Variants in MTA1 observed in about 807,000 individuals in gnomAD.
MTA1 encodes metastasis associated 1.
Under a neutral mutation model 97.0 loss-of-function variants are expected in MTA1, and 15 were observed. The observed-to-expected ratio is 0.15, with a 90% CI of 0.10 to 0.24. The LOEUF is 0.24. MTA1 is among the 10% of genes least tolerant of loss of function. The pLI is 1.00. For missense variants in MTA1, 709 were observed against 1,015.1 expected (o/e 0.70, Z 4.10); for synonymous variants, 435 against 417.5 (o/e 1.04, Z -0.51).
Position 105,420,587 on chromosome 14 carries a change from T to TC in MTA1, c.28+527dup, listed in dbSNP as rs2081798630. On this transcript the variant is annotated intron_variant, in intron 1 of 20. Coordinates refer to ENST00000331320, the MANE Select transcript of MTA1 (RefSeq NM_004689.4). The surrounding 1 kb of genome is among the most constrained non-coding windows in gnomAD (Gnocchi z 5.3). ...GCCCCGGGGCTTCCCCCAGCAGGGA[T>TC]CCCTCAGGGGGTCTTCAGCAGGGAG... Among the ~76,000 whole-genome samples the TC allele has an allele frequency of 6.6e-6, 1 of 152,148 alleles. No individual in the cohort carries two copies. The highest frequency in any genetic ancestry group is 2.1e-4 in the South Asian group (1 of 4,838).
rs371649366 is a variant in MTA1 at position 105,450,095 on chromosome 14, G to A, written c.279G>A (p.Val93=). Reference sequence around the variant, plus strand: ...AGGAAATGGAGAACCCGGAAATGGTGGACCTGCCCGAGAAACTAAAGCACC... The same window carrying A: ...AGGAAATGGAGAACCCGGAAATGGTAGACCTGCCCGAGAAACTAAAGCACC... ...IEEEMENPEM[V]DLPEKLKHQL... Residue 93 remains valine, a synonymous_variant, in exon 5 of 21, where the codon GTG becomes GTA. Transcript: ENST00000331320. The A allele has an allele frequency of 5.6e-5, 91 of 1,613,448 alleles. 2 individuals are homozygous for A. The Middle Eastern group carries it at 8.3e-4, about 15-fold the overall frequency.
intron 1 of MTA1, among the ~76,000 whole-genome samples, chr14:105,428,029 A>AAAG (rs1440175167): frequency 2.6e-5 from 4 of 151,534 alleles, no homozygotes; most frequent in Non-Finnish European, 5.9e-5. Context: ...AAAAAAAAAA[A>AAAG]AAAAAGTTAG....
At chr14:105,462,160 G>A (rs2083382110) in intron 10 of MTA1, among the ~76,000 whole-genome samples, 1 of 152,274 alleles carries the variant, frequency 6.6e-6, no homozygotes, top group Non-Finnish European at 1.5e-5. Flanking sequence ...GCGGGGATGG[G>A]AGGCTGCAGC....
In MTA1 at chr14:105,465,099, G is replaced by A; in HGVS notation, c.1540G>A (p.Ala514Thr). Residue 514 changes from alanine (A) to threonine (T), a missense_variant, in exon 16 of 21, where the codon GCG (alanine) becomes ACG (threonine). Transcript: ENST00000331320. ...CACCGTGTGGTACCCCGCAGGCACG[G>A]CGCGGCTGCCCGAAGCCTCCCAGAG... ...NSAAIKAECT[A>T]RLPEASQSPL... is the part of the protein sequence containing the mutation. The A allele has an allele frequency of 4.0e-6, 6 of 1,514,588 alleles. No homozygotes were observed. Among genetic ancestry groups the A allele is most frequent in the Non-Finnish European group, 5.3e-6 (6 of 1,125,966 alleles). 93.8% of individuals were successfully genotyped at this position (1,514,588 alleles called of 1,614,324 possible). A position where few individuals can be genotyped will look rare whatever the true frequency, so the allele number is the denominator to read the frequency against.
At chr14:105,465,018 C>T in intron 15 of MTA1, 76 bp from the exon 16 acceptor site, 1 of 1,436,536 alleles carries the variant, frequency 7.0e-7, no homozygotes, top group African/African-American at 1.4e-5. Context: ...AGTGAGGGCT[C>T]CCAGGTCAAG....
chr14:105,466,319 C>T, intron 16 of MTA1, 107 bp from the exon 17 acceptor site: 4 of 1,047,952 alleles, frequency 3.8e-6, no homozygotes, highest in South Asian at 1.4e-5. Context: ...CCGCATGGGG[C>T]TTAGTTCCTG....
In MTA1 at chr14:105,466,842, C is replaced by T. The variant is rs1205407277; in HGVS notation, c.1813+100C>T. 3.2e-6 allele frequency: 4 copies of T among 1,257,194 alleles called. No individual in the cohort carries two copies. The Admixed American group carries it at 1.0e-4, about 32-fold the overall frequency. The allele number at this position is 1,257,194 out of a possible 1,614,324, so 77.9% of individuals were successfully genotyped here. ...CGCGGCGGGCGGCCCAGGGCCCATG[C>T]TTGGGGCAGTCCACGTGAGCCAGGC... On this transcript the variant is annotated intron_variant, in intron 18 of 20. Coordinates refer to ENST00000331320, the MANE Select transcript of MTA1 (RefSeq NM_004689.4).
At chr14:105,440,545 C>T (rs190328249) in intron 2 of MTA1, among the ~76,000 whole-genome samples, 2 of 152,354 alleles carry the variant, frequency 1.3e-5, no homozygotes, top group Admixed American at 1.3e-4. Context: ...AGATTGCAGG[C>T]GTGTGCAGGC....
At chr14:105,452,923 G>C (rs1361665587) in intron 6 of MTA1, among the ~76,000 whole-genome samples, 4 of 152,360 alleles carry the variant, frequency 2.6e-5, no homozygotes, top group East Asian at 3.9e-4. Context: ...ACAGGAATCA[G>C]GAGGATGACC....
At chr14:105,447,465 C>T (rs912185367) in intron 3 of MTA1, among the ~76,000 whole-genome samples, 29 of 152,300 alleles carry the variant, frequency 1.9e-4, no homozygotes, top group African/African-American at 6.5e-4. Flanking sequence ...CTCTCAGACG[C>T]CCCAGAGGAT....
intron 13 of MTA1, 111 bp from the exon 14 acceptor site, chr14:105,464,305 G>A (rs1399285623): frequency 2.0e-5 from 28 of 1,433,006 alleles, no homozygotes; most frequent in African/African-American, 9.8e-5. Context: ...CTCGGGGAAC[G>A]TGTGGGGGTG....
At position 105,466,450 on chromosome 14, in the gene MTA1, C is replaced by A; in HGVS notation, c.1649C>A (p.Pro550His). Reference sequence around the variant, plus strand: ...GAGACCCACCCCCGCCCCCCCAAGCCTGACCCCGTGAAAAGCGTGTCCAGC... The same window carrying A: ...GAGACCCACCCCCGCCCCCCCAAGCATGACCCCGTGAAAAGCGTGTCCAGC... ...YLETHPRPPK[P>H]DPVKSVSSVL... is the part of the protein sequence containing the mutation. The change falls in exon 17 of 21, where the codon CCT becomes CAT. Residue 550 changes from proline to histidine, a missense_variant. Coordinates refer to ENST00000331320, the MANE Select transcript of MTA1 (RefSeq NM_004689.4). The A allele has an allele frequency of 6.4e-7, 1 of 1,553,120 alleles. No homozygotes were observed. The highest frequency in any genetic ancestry group is 1.1e-5 in the South Asian group (1 of 88,894).
chr14:105,466,807 T>A, intron 18 of MTA1, 65 bp downstream of exon 18: 1 of 1,510,754 alleles, frequency 6.6e-7, no homozygotes, highest in Non-Finnish European at 8.9e-7. Context: ...GCTGTGCTGC[T>A]CTGTGTCCCC....
intron 18 of MTA1, chr14:105,468,196 A>T: frequency 1.2e-6 from 1 of 808,574 alleles, no homozygotes; most frequent in South Asian, 1.4e-5. Context: ...TGCCCACAGC[A>T]CGGGGCCCCA....
At chr14:105,434,054 C>A (rs587683109) in intron 1 of MTA1, among the ~76,000 whole-genome samples, 234 of 152,296 alleles carry the variant, frequency 1.5e-3, no homozygotes, top group African/African-American at 4.8e-3. Context: ...TCTCGATCTC[C>A]TGAAGTGATC....
At chr14:105,455,374 C>T (rs1379001591) in intron 7 of MTA1, among the ~76,000 whole-genome samples, 5 of 152,228 alleles carry the variant, frequency 3.3e-5, no homozygotes, top group Non-Finnish European at 1.5e-5. Flanking sequence ...CCGGGTGCTT[C>T]GGTAGCCCTG....
chr14:105,426,017 C>T (rs946793771), intron 1 of MTA1, among the ~76,000 whole-genome samples: 10 of 152,138 alleles, frequency 6.6e-5, no homozygotes, highest in African/African-American at 2.4e-4. Context: ...CCCCGTGATC[C>T]GGCCTGGCGT....
At chr14:105,421,134 G>A (rs1555420808) in intron 1 of MTA1, among the ~76,000 whole-genome samples, 1 of 152,066 alleles carries the variant, frequency 6.6e-6, no homozygotes, top group Admixed American at 6.5e-5. Flanking sequence ...CCTACATCCC[G>A]TCTGTGAGAT....
intron 18 of MTA1, chr14:105,467,412 C>T (rs782309607): frequency 1.3e-4 from 60 of 455,686 alleles, no homozygotes; most frequent in Non-Finnish European, 2.3e-4. Context: ...GCCGGTTTGG[C>T]GACCTGGAGG....
Sources: allele counts gnomAD v4.1 joint callset (sites outside exome capture counted in the v4.1 genomes callset), GRCh38; gene constraint gnomAD v4.1.1; non-coding constraint Gnocchi (gnomAD v3.1); transcripts MANE v1.5; gene names NCBI Gene and HGNC (gene_info 2026-07-23, HGNC 2026-07-21).